Variants in KMT2C observed in about 807,000 individuals in gnomAD.
KMT2C encodes lysine methyltransferase 2C.
In KMT2C, 88 loss-of-function variants were observed where a neutral mutation model predicts 507.9. The observed-to-expected ratio is 0.17, with a 90% CI of 0.15 to 0.21. The LOEUF is 0.21. Ranked by LOEUF, KMT2C falls within the 10% of genes least tolerant of loss-of-function variation. KMT2C has a pLI of 1.00. For synonymous variants in KMT2C, 2,049 were observed against 2,080.8 expected, an observed-to-expected ratio of 0.98 and a Z score of 0.42; for missense variants, 4,954 against 5,957.8, an observed-to-expected ratio of 0.83 and a Z score of 5.55.
At chr7:152,348,257 T>C (rs748604312) in intron 2 of KMT2C, among the ~76,000 whole-genome samples, 5 of 152,098 alleles carry the variant, frequency 3.3e-5, no homozygotes, top group Non-Finnish European at 7.4e-5. Context: ...ACCAAACATT[T>C]AAGGAAGAAA....
At chr7:152,189,220 T>C (rs969206944) in intron 31 of KMT2C, among the ~76,000 whole-genome samples, 6 of 152,180 alleles carry the variant, frequency 3.9e-5, no homozygotes, top group African/African-American at 7.2e-5. Context: ...TCTAAACTAT[T>C]TGGAACTAAG....
intron 14 of KMT2C, among the ~76,000 whole-genome samples, chr7:152,244,851 A>C (rs2095443759): frequency 6.6e-6 from 1 of 152,256 alleles, no homozygotes; most frequent in South Asian, 2.1e-4. Context: ...GTCATAAAGA[A>C]AATAAGCATC....
chr7:152,319,313 T>A (rs2096750198), intron 3 of KMT2C, among the ~76,000 whole-genome samples: 1 of 152,142 alleles, frequency 6.6e-6, no homozygotes, highest in Admixed American at 6.5e-5. Flanking sequence ...TTTATTCCAA[T>A]ATTATAATAA....
chr7:152,226,814 T>C lies in KMT2C; in HGVS notation c.2977-2198A>G, dbSNP rs182962067. ...TAATGCAAAAACCGCTACAAATATA[T>C]GTAAACAAAAGAACATGGCCATATT... On this transcript the variant is annotated intron_variant, in intron 18 of 58. Coordinates refer to ENST00000262189, the MANE Select transcript of KMT2C (RefSeq NM_170606.3). Among the ~76,000 whole-genome samples the C allele has an allele frequency of 1.8e-4, 28 of 152,250 alleles. No homozygotes were observed. The East Asian group carries it at 2.9e-3, about 16-fold the overall frequency.
In KMT2C at chr7:152,162,734, C is replaced by A. The variant is rs750569914; in HGVS notation, c.10843G>T (p.Asp3615Tyr). ...GATGGAGCCTTGGTGGATTCTGCAT[C>A]ATCATCTCTTTTCTTCTTTCTTGTT... The part of the protein sequence containing the change: ...KRTRKKKRDD[D>Y]AESTKAPSTP... The change falls in exon 43 of 59, where the codon GAT (aspartate) becomes TAT (tyrosine). Residue 3615 changes from aspartate to tyrosine, a missense_variant. Around this residue, in one of 29 missense-constraint regions of KMT2C, gnomAD observed 801 missense variants for 751.2 expected, o/e 1.07. Coordinates refer to ENST00000262189, the MANE Select transcript of KMT2C (RefSeq NM_170606.3). 8 of 1,614,190 alleles carry A rather than the reference C, an allele frequency of 5.0e-6. No individual in the cohort carries two copies. The highest frequency in any genetic ancestry group is 6.8e-6 in the Non-Finnish European group (8 of 1,180,030).
chr7:152,285,773 C>A (rs1329934292), intron 6 of KMT2C, among the ~76,000 whole-genome samples: 1 of 152,186 alleles, frequency 6.6e-6, no homozygotes, highest in Non-Finnish European at 1.5e-5. Context: ...CCACCTAAGG[C>A]CAGGATTTTG....
At chr7:152,363,871 A>G (rs1403835428) in intron 1 of KMT2C, among the ~76,000 whole-genome samples, 5 of 152,230 alleles carry the variant, frequency 3.3e-5, no homozygotes, top group Admixed American at 3.3e-4. Context: ...ACTTCCAGGG[A>G]GAGAGCAATT....
At chr7:152,332,893 A>ACACAC (rs1563897137) in intron 2 of KMT2C, among the ~76,000 whole-genome samples, 25 of 99,904 alleles carry the variant, frequency 2.5e-4, no homozygotes, top group African/African-American at 1.1e-3. Flanking sequence ...CACACACACA[A>ACACAC]ATTATTCTCG....
intron 6 of KMT2C, among the ~76,000 whole-genome samples, chr7:152,307,173 G>A: frequency 7.0e-6 from 1 of 142,758 alleles, no homozygotes; most frequent in South Asian, 2.3e-4. Flanking sequence ...GAGGAAAGAA[G>A]AGGAAGGAAG....
rs926221350 is a variant in KMT2C at position 152,155,819 on chromosome 7, T to C, written c.11960+91A>G. 4.1e-6 allele frequency: 5 copies of C among 1,223,302 alleles called. No individual in the cohort carries two copies. The East Asian group carries it at 1.0e-4, about 26-fold the overall frequency. 75.8% of individuals were successfully genotyped at this position (1,223,302 alleles called of 1,614,324 possible). ...GTACTCTTCAAATGTTTTTACATGC[T>C]ATTCCTAAAGACATTATGCCACATA... On this transcript the variant is annotated intron_variant, in intron 46 of 58. Transcript: ENST00000262189.
At chr7:152,185,758 T>A (rs1409282222) in intron 33 of KMT2C, 127 bp from the exon 34 acceptor site, 1 of 631,108 alleles carries the variant, frequency 1.6e-6, no homozygotes, top group Non-Finnish European at 2.7e-6. Context: ...GTCATAGACC[T>A]ATATTAAGTT....
At chr7:152,418,590 C>T (rs1050948719) in intron 1 of KMT2C, among the ~76,000 whole-genome samples, 6 of 151,938 alleles carry the variant, frequency 3.9e-5, no homozygotes, top group Non-Finnish European at 8.8e-5. Context: ...TGCCACCACA[C>T]CTGGCTAATT....
At chr7:152,335,980 A>C (rs1395220226) in intron 2 of KMT2C, among the ~76,000 whole-genome samples, 1 of 152,182 alleles carries the variant, frequency 6.6e-6, no homozygotes. Context: ...GCAGGTAAGA[A>C]GACAGGCTTT....
chr7:152,335,451 T>C (rs2096925371), intron 2 of KMT2C, among the ~76,000 whole-genome samples: 1 of 152,150 alleles, frequency 6.6e-6, no homozygotes, highest in Non-Finnish European at 1.5e-5. Flanking sequence ...TTACCAACAA[T>C]GAGCCAAATG....
chr7:152,274,210 A>G (rs985153163), intron 6 of KMT2C, among the ~76,000 whole-genome samples: 1 of 152,154 alleles, frequency 6.6e-6, no homozygotes, highest in African/African-American at 2.4e-5. Context: ...ATTGAGGATT[A>G]TTATAAAGTT....
chr7:152,355,283 T>C (rs1317909320), intron 2 of KMT2C, among the ~76,000 whole-genome samples: 1 of 152,132 alleles, frequency 6.6e-6, no homozygotes, highest in African/African-American at 2.4e-5. Flanking sequence ...GGTTTCAGGA[T>C]AACAACAAAA....
At position 152,248,357 on chromosome 7, in the gene KMT2C, T is replaced by C. The variant is rs1306861797; in HGVS notation, c.2077A>G (p.Thr693Ala). 4 of 1,613,866 alleles carry C rather than the reference T, an allele frequency of 2.5e-6. No homozygotes were observed. The highest frequency in any genetic ancestry group is 3.3e-5 in the Admixed American group (2 of 59,994). Reference protein sequence around the residue: ...RPPKLVMESVTLPLETLVSPH... With the variant: ...RPPKLVMESVALPLETLVSPH... ...GACACTAAGGTTTCTAGTGGAAGAG[T>C]GACAGATTCCATGACTAATTTTGGA... The change falls in exon 14 of 59, where the codon ACT becomes GCT. Residue 693 changes from threonine (T) to alanine (A), a missense_variant. Thr to Ala is a moderately conservative substitution (Grantham distance 58). This residue lies in a region of KMT2C where 376 missense variants were observed against 352.4 expected (regional missense o/e 1.07). Transcript: ENST00000262189.
At chr7:152,199,597 G>A (rs757909445) in intron 26 of KMT2C, 138 bp from the exon 27 acceptor site, 5 of 434,674 alleles carry the variant, frequency 1.2e-5, no homozygotes, top group Non-Finnish European at 2.0e-5. Context: ...GAATACAGAA[G>A]TATTAAAAAA....
chr7:152,434,836 T>G (rs779085491), intron 1 of KMT2C, among the ~76,000 whole-genome samples: 11 of 152,290 alleles, frequency 7.2e-5, no homozygotes, highest in Admixed American at 1.3e-4. Context: ...CCCTTACAGC[T>G]AAGACTTACG....
Sources: allele counts gnomAD v4.1 joint callset (sites outside exome capture counted in the v4.1 genomes callset), GRCh38; gene constraint gnomAD v4.1.1; regional missense constraint gnomAD v4.1.1; transcripts MANE v1.5; gene names NCBI Gene and HGNC (gene_info 2026-07-23, HGNC 2026-07-21).